Variants in RNF217 observed in about 807,000 individuals in gnomAD.
RNF217 encodes ring finger protein 217, also known as E3 ubiquitin-protein ligase RNF217.
In RNF217, 31 loss-of-function variants were observed where a neutral mutation model predicts 57.8. That is an observed-to-expected ratio of 0.54 (90% CI 0.40 to 0.72). The LOEUF is 0.72. Ranked by LOEUF, RNF217 falls within the 30% of genes least tolerant of loss-of-function variation. The pLI is 0.00. For synonymous variants in RNF217, 313 were observed against 294.0 expected (o/e 1.06, Z -0.66); for missense variants, 696 against 708.3 (o/e 0.98, Z 0.20).
chr6:125,005,342 TA>T (rs1325282623), intron 1 of RNF217, among the ~76,000 whole-genome samples: 3 of 152,176 alleles, frequency 2.0e-5, no homozygotes, highest in Non-Finnish European at 2.9e-5. Flanking sequence ...CATCAAAGGA[TA>T]AAAAATTCTG....
In RNF217 at chr6:124,997,999, T is replaced by G. The variant is rs895501261; in HGVS notation, c.882+34573T>G. ...CTGACTCCGGCATTCCTTTTCTGAT[T>G]GTGAGCAAGGGGCATCTCCTAATTG... On this transcript the variant is annotated intron_variant, in intron 1 of 5. Coordinates refer to ENST00000521654, the MANE Select transcript of RNF217 (RefSeq NM_001286398.3). Among the ~76,000 whole-genome samples the G allele has an allele frequency of 2.0e-5, 3 of 152,160 alleles. No homozygotes were observed. In the South Asian group the frequency reaches 6.2e-4, roughly 32 times the overall value.
At chr6:125,045,102 A>G (rs1787042265) in intron 1 of RNF217, 109 bp from the exon 2 acceptor site, 2 of 682,246 alleles carry the variant, frequency 2.9e-6, no homozygotes, top group Non-Finnish European at 2.5e-6. Flanking sequence ...AAAATTACAC[A>G]CAATCCTTTA....
At chr6:125,081,069 G>A (rs929581734) in intron 4 of RNF217, among the ~76,000 whole-genome samples, 2 of 152,108 alleles carry the variant, frequency 1.3e-5, no homozygotes, top group South Asian at 2.1e-4. Flanking sequence ...AACTCAAAAT[G>A]TGCCACTTCT....
intron 1 of RNF217, among the ~76,000 whole-genome samples, chr6:125,027,347 A>G (rs963419834): frequency 5.9e-5 from 9 of 151,994 alleles, no homozygotes; most frequent in African/African-American, 2.2e-4. Context: ...TCTACTCTCT[A>G]TGTCCGTGAG....
chr6:125,087,017 C>T lies in RNF217; in HGVS notation c.*4080C>T, dbSNP rs1788789333. On this transcript the variant is annotated 3_prime_UTR_variant, in exon 6 of 6. Coordinates refer to ENST00000521654, the MANE Select transcript of RNF217 (RefSeq NM_001286398.3). ...CTCTTCAACCTCATTTTTCTCCATA[C>T]CTCTGCTATTCTAACTATTCCTCTT... The T allele has an allele frequency of 6.6e-6, 1 of 151,988 alleles. No individual in the cohort carries two copies. The allele number at this position is 151,988 out of a possible 1,614,324, so 9.4% of individuals were successfully genotyped here.
chr6:124,988,596 T>C (rs1784441263), intron 1 of RNF217, among the ~76,000 whole-genome samples: 10 of 152,222 alleles, frequency 6.6e-5, no homozygotes, highest in Admixed American at 6.5e-4. Flanking sequence ...CACTAGCTTT[T>C]TAAATTTGTC....
At chr6:125,004,909 G>A (rs912762790) in intron 1 of RNF217, among the ~76,000 whole-genome samples, 1 of 152,136 alleles carries the variant, frequency 6.6e-6, no homozygotes, top group Non-Finnish European at 1.5e-5. Flanking sequence ...CACAGACTGG[G>A]TAATTTATAA....
Position 125,086,017 on chromosome 6 carries a change from C to A in RNF217, c.*3080C>A, listed in dbSNP as rs1788759618. 1 of 151,912 alleles carries A rather than the reference C, an allele frequency of 6.6e-6. No individual in the cohort carries two copies. 9.4% of individuals were successfully genotyped at this position (151,912 alleles called of 1,614,324 possible). A position where few individuals can be genotyped will look rare whatever the true frequency, so the allele number is the denominator to read the frequency against. On this transcript the variant is annotated 3_prime_UTR_variant, in exon 6 of 6. Transcript: ENST00000521654. ...GTTGAATGGACTACAAGATTATTTTCACTTCTCTATTACAAAGAAAGCAAG... is the reference window on the plus strand; with the variant it reads ...GTTGAATGGACTACAAGATTATTTTAACTTCTCTATTACAAAGAAAGCAAG...
chr6:125,052,509 A>G (rs1281384433), intron 2 of RNF217, among the ~76,000 whole-genome samples: 1 of 152,020 alleles, frequency 6.6e-6, no homozygotes, highest in African/African-American at 2.4e-5. Flanking sequence ...TGTTACTGGC[A>G]TTTCCATGCA....
chr6:125,030,193 C>G (rs1786292704), intron 1 of RNF217, among the ~76,000 whole-genome samples: 1 of 152,122 alleles, frequency 6.6e-6, no homozygotes, highest in Admixed American at 6.5e-5. Context: ...CCCCCTGGGT[C>G]CCTCCCACAA....
chr6:125,010,391 T>C (rs1785373211), intron 1 of RNF217, among the ~76,000 whole-genome samples: 1 of 152,214 alleles, frequency 6.6e-6, no homozygotes, highest in Admixed American at 6.5e-5. Context: ...ATGCATGAAG[T>C]GACTTGATGT....
Position 124,962,710 on chromosome 6 carries a change from G to C in RNF217, c.166G>C (p.Gly56Arg), listed in dbSNP as rs1439395064. The C allele has an allele frequency of 2.1e-6, 3 of 1,443,324 alleles. No homozygotes were observed. The highest frequency in any genetic ancestry group is 1.5e-5 in the African/African-American group (1 of 66,834). 89.4% of individuals were successfully genotyped at this position (1,443,324 alleles called of 1,614,324 possible). ...ASAEPSGGGC[G>R]SDWGCADTSA... ...CGCGGAGCCGAGCGGCGGTGGCTGC[G>C]GAAGCGACTGGGGCTGCGCGGACAC... is the stretch of plus-strand genomic sequence containing the variant. The change falls in exon 1 of 6, where the codon GGA becomes CGA. Residue 56 changes from glycine to arginine, a missense_variant. Physicochemically the swap from Gly to Arg is moderately radical, Grantham distance 125. This residue lies in a region of RNF217 where 465 missense variants were observed against 386.8 expected (regional missense o/e 1.20). Transcript: ENST00000521654. The surrounding 1 kb of genome is among the most constrained non-coding windows in gnomAD (Gnocchi z 4.6).
intron 3 of RNF217, among the ~76,000 whole-genome samples, chr6:125,062,258 G>A (rs1000322019): frequency 6.6e-6 from 1 of 151,918 alleles, no homozygotes; most frequent in Non-Finnish European, 1.5e-5. Flanking sequence ...CTCTCTTAGT[G>A]AGTTTTTACC....
chr6:125,009,391 G>A (rs1425789685), intron 1 of RNF217: 2 of 687,804 alleles, frequency 2.9e-6, no homozygotes, highest in African/African-American at 3.6e-5. Context: ...GCCTGGAAGA[G>A]TAGATTTTTT....
intron 1 of RNF217, among the ~76,000 whole-genome samples, chr6:124,976,247 C>T (rs1228420040): frequency 6.7e-6 from 1 of 149,234 alleles, no homozygotes; most frequent in African/African-American, 2.4e-5. Flanking sequence ...TCTTCCCTCC[C>T]TCACTCCCTC....
chr6:124,994,128 G>GA (rs915504895), intron 1 of RNF217, among the ~76,000 whole-genome samples: 47 of 150,854 alleles, frequency 3.1e-4, no homozygotes, highest in South Asian at 1.3e-3. Flanking sequence ...TTAGCCTAGA[G>GA]AAAAAAAAAT....
intron 1 of RNF217, among the ~76,000 whole-genome samples, chr6:124,975,983 C>G (rs1027950531): frequency 1.3e-5 from 2 of 152,036 alleles, no homozygotes; most frequent in African/African-American, 4.8e-5. Flanking sequence ...AAAACAAACA[C>G]TTTGAAAACA....
chr6:125,005,299 G>A (rs1419308848), intron 1 of RNF217, among the ~76,000 whole-genome samples: 5 of 152,154 alleles, frequency 3.3e-5, no homozygotes, highest in Non-Finnish European at 2.9e-5. Flanking sequence ...AGTGCCTAAA[G>A]CTTCTTCACT....
intron 1 of RNF217, among the ~76,000 whole-genome samples, chr6:125,036,311 T>G (rs1786613994): frequency 6.6e-6 from 1 of 152,170 alleles, no homozygotes; most frequent in South Asian, 2.1e-4. Context: ...CACATTTTCT[T>G]TATCCAGTCT....
Sources: gnomAD v4.1 joint callset for allele counts (sites outside exome capture counted in the v4.1 genomes callset) on GRCh38, gnomAD v4.1.1 for gene constraint, gnomAD v4.1.1 regional missense constraint, Gnocchi (gnomAD v3.1) non-coding constraint, MANE v1.5 for transcripts, NCBI Gene and HGNC (gene_info 2026-07-23, HGNC 2026-07-21) for gene names.